The following PKHD1 variants were observed in gnomAD, a reference collection of about 807,000 sequenced individuals.
PKHD1 encodes fibrocystin.
A neutral mutation model predicts 412.0 loss-of-function variants in PKHD1; 291 were observed. The ratio of observed to expected loss-of-function variants is 0.71; its 90% CI spans 0.64 to 0.78. The LOEUF (loss-of-function observed/expected upper bound fraction) is 0.78, where lower values mean the gene tolerates loss of function less well. Among genes scored for constraint, PKHD1 ranks in the 30% least tolerant of loss-of-function variants. PKHD1 has a pLI of 0.00. For missense variants in PKHD1, 4,825 were observed against 4,950.7 expected (o/e 0.97, Z 0.76); for synonymous variants, 1,777 against 1,821.5 (o/e 0.98, Z 0.62).
rs750876699 is a variant in PKHD1 at position 51,870,562 on chromosome 6, A to T, written c.7428T>A (p.Asn2476Lys). ...ELMVSNTTFV[N>K]FDLINCVAIR... ...TGGCCACACAGTTGATGAGATCAAAATTAACAAAGGTTGTGTTAGACACCA... is the reference window on the plus strand; with the variant it reads ...TGGCCACACAGTTGATGAGATCAAATTTAACAAAGGTTGTGTTAGACACCA... The change falls in exon 47 of 67, where the codon AAT becomes AAA. Residue 2476 changes from asparagine (N) to lysine (K), a missense_variant. Asn to Lys is a moderately conservative substitution (Grantham distance 94). Coordinates refer to ENST00000371117, the MANE Select transcript of PKHD1 (RefSeq NM_138694.4). The T allele has an allele frequency of 1.2e-6, 2 of 1,611,552 alleles. No homozygotes were observed. Among genetic ancestry groups the T allele is most frequent in the South Asian group, 2.2e-5 (2 of 91,032 alleles).
chr6:51,862,853 G>A (rs1774423965), intron 48 of PKHD1, among the ~76,000 whole-genome samples: 1 of 152,140 alleles, frequency 6.6e-6, no homozygotes, highest in Non-Finnish European at 1.5e-5. Context: ...GTTTTGCTGG[G>A]TCAGTACAAC....
chr6:51,900,224 G>C (rs1323487062), intron 43 of PKHD1, among the ~76,000 whole-genome samples: 1 of 152,156 alleles, frequency 6.6e-6, no homozygotes, highest in Non-Finnish European at 1.5e-5. Flanking sequence ...TCAATCCTAA[G>C]CCAAAAGAAC....
chr6:51,733,060 A>T (rs1215829720), intron 60 of PKHD1, among the ~76,000 whole-genome samples: 1 of 152,244 alleles, frequency 6.6e-6, no homozygotes, highest in East Asian at 1.9e-4. Context: ...AAGGGTAGTC[A>T]AAATCATAGA....
intron 14 of PKHD1, among the ~76,000 whole-genome samples, chr6:52,060,459 C>T (rs1264873973): frequency 6.6e-6 from 1 of 152,180 alleles, no homozygotes; most frequent in East Asian, 1.9e-4. Flanking sequence ...TACCTCAACA[C>T]CTGCAGAGAG....
chr6:51,752,198 G>C (rs191500489), intron 57 of PKHD1, among the ~76,000 whole-genome samples: 2 of 152,246 alleles, frequency 1.3e-5, no homozygotes, highest in Admixed American at 6.5e-5. Flanking sequence ...ACCAGCCTTT[G>C]TCTCCATCAT....
In PKHD1 at chr6:51,951,676, T is replaced by C. The variant is rs1390688126; in HGVS notation, c.5908+8194A>G. Among the ~76,000 whole-genome samples the C allele has an allele frequency of 3.3e-5, 5 of 152,190 alleles. No individual in the cohort carries two copies. The South Asian group carries it at 1.0e-3, about 31-fold the overall frequency. ...TTTACCTGACCCCAGGAATATTGTATAGAAACTATAATAATGAAATGCTCA... is the reference window on the plus strand; with the variant it reads ...TTTACCTGACCCCAGGAATATTGTACAGAAACTATAATAATGAAATGCTCA... On this transcript the variant is annotated intron_variant, in intron 36 of 66. Transcript: ENST00000371117.
intron 52 of PKHD1, among the ~76,000 whole-genome samples, chr6:51,816,298 C>T (rs1024101354): frequency 1.4e-5 from 2 of 148,028 alleles, no homozygotes; most frequent in African/African-American, 5.0e-5. Flanking sequence ...TGTTGGAAGC[C>T]CCCTACTTAC....
At chr6:51,911,006 C>T (rs1443954288) in intron 39 of PKHD1, among the ~76,000 whole-genome samples, 2 of 152,064 alleles carry the variant, frequency 1.3e-5, no homozygotes, top group Admixed American at 6.6e-5. Flanking sequence ...AGTTGGCTGG[C>T]CTGCTGGCAT....
At chr6:51,747,759 A>G (rs1170105100) in intron 58 of PKHD1, 28 bp downstream of exon 58, 5 of 1,593,452 alleles carry the variant, frequency 3.1e-6, no homozygotes, top group Middle Eastern at 1.8e-4. Context: ...ATGAAATGGC[A>G]CTGCCTAGAT....
intron 60 of PKHD1, among the ~76,000 whole-genome samples, chr6:51,708,678 C>T (rs1241120083): frequency 6.6e-6 from 1 of 152,170 alleles, no homozygotes; most frequent in Non-Finnish European, 1.5e-5. Flanking sequence ...CCCACCATCT[C>T]ATGTACTTTT....
intron 8 of PKHD1, 59 bp downstream of exon 8, chr6:52,072,056 T>C: frequency 1.1e-6 from 1 of 935,718 alleles, no homozygotes; most frequent in East Asian, 2.4e-5. Context: ...TGTGTGTGTG[T>C]TGTATCCATG....
chr6:51,808,844 T>C (rs1249041467), intron 52 of PKHD1, among the ~76,000 whole-genome samples: 1 of 152,148 alleles, frequency 6.6e-6, no homozygotes, highest in African/African-American at 2.4e-5. Context: ...ACTTCAGTTT[T>C]TGCTTGCTAA....
At chr6:51,940,597 C>G (rs1461597544) in intron 36 of PKHD1, among the ~76,000 whole-genome samples, 1 of 151,770 alleles carries the variant, frequency 6.6e-6, no homozygotes, top group Admixed American at 6.6e-5. Flanking sequence ...CCCTGGAACT[C>G]TGGCCCAAGG....
At chr6:52,027,784 T>C (rs774308809) in intron 31 of PKHD1, 45 bp downstream of exon 31, 3 of 1,359,030 alleles carry the variant, frequency 2.2e-6, no homozygotes, top group African/African-American at 1.4e-5. Flanking sequence ...ATCCAGCAAA[T>C]AGAATTGCTG....
At chr6:51,948,897 G>A (rs892421301) in intron 36 of PKHD1, among the ~76,000 whole-genome samples, 4 of 152,160 alleles carry the variant, frequency 2.6e-5, no homozygotes, top group African/African-American at 9.7e-5. Context: ...CTGTTAAAGA[G>A]GTAGATGAGT....
chr6:51,994,261 G>A (rs867127482), intron 35 of PKHD1, among the ~76,000 whole-genome samples: 3 of 151,720 alleles, frequency 2.0e-5, no homozygotes, highest in Admixed American at 6.6e-5. Context: ...CAGCCTCCCG[G>A]GTAGCTGGGA....
intron 63 of PKHD1, among the ~76,000 whole-genome samples, chr6:51,643,185 T>A (rs1243383917): frequency 6.6e-6 from 1 of 152,176 alleles, no homozygotes; most frequent in African/African-American, 2.4e-5. Context: ...ATGAACAGAA[T>A]GACAGCATCA....
chr6:51,723,029 A>G (rs932342671), intron 60 of PKHD1, among the ~76,000 whole-genome samples: 2 of 152,194 alleles, frequency 1.3e-5, no homozygotes, highest in African/African-American at 4.8e-5. Context: ...TTCACTAATT[A>G]CTCATTTCTT....
Position 52,042,991 on chromosome 6 carries a change from G to A in PKHD1, c.2965C>T (p.Pro989Ser), listed in dbSNP as rs1376615361. ...ATCAAGATCCGATGCATTCCAACAG[G>A]TAGCAAATCTGTCTGACAGACTACA... is the stretch of plus-strand genomic sequence containing the variant. ...TNVVCQTDLL[P>S]VGMHRILMLV... The change falls in exon 27 of 67, where the codon CCT (proline) becomes TCT (serine). Residue 989 changes from proline to serine, a missense_variant. Transcript: ENST00000371117. The A allele has an allele frequency of 1.2e-6, 2 of 1,613,896 alleles. No individual in the cohort carries two copies. Among genetic ancestry groups the A allele is most frequent in the East Asian group, 2.2e-5 (1 of 44,896 alleles).
Sources: allele counts gnomAD v4.1 joint callset (sites outside exome capture counted in the v4.1 genomes callset), GRCh38; gene constraint gnomAD v4.1.1; transcripts MANE v1.5; gene names NCBI Gene and HGNC (gene_info 2026-07-23, HGNC 2026-07-21).